The following OLFM4 variants were observed in gnomAD, a reference collection of about 807,000 sequenced individuals.
OLFM4 encodes olfactomedin-4.
OLFM4 carries 22 observed loss-of-function variants against 25.5 expected under a neutral mutation model. The observed-to-expected ratio is 0.86, with a 90% CI of 0.62 to 1.23. OLFM4 has a LOEUF of 1.23. Ranked by LOEUF, OLFM4 falls within the 50% of genes most tolerant of loss-of-function variation. The probability of loss-of-function intolerance (pLI) is 0.00; values close to 1 mark genes in which losing one functional copy is unlikely to be tolerated. For synonymous variants in OLFM4, 255 were observed against 237.7 expected (o/e 1.07, Z -0.67); for missense variants, 594 against 619.4 (o/e 0.96, Z 0.44).
At chr13:53,032,896 T>C (rs1034934652) in intron 1 of OLFM4, among the ~76,000 whole-genome samples, 2 of 152,130 alleles carry the variant, frequency 1.3e-5, no homozygotes, top group African/African-American at 4.8e-5. Context: ...ACAGGACCCA[T>C]TACACCACCT....
At position 53,043,235 on chromosome 13, in the gene OLFM4, C is replaced by A. The variant is rs372524104; in HGVS notation, c.701C>A (p.Thr234Asn). 3 of 1,609,828 alleles carry A rather than the reference C, an allele frequency of 1.9e-6. No homozygotes were observed. Among genetic ancestry groups the A allele is most frequent in the Middle Eastern group, 1.7e-4 (1 of 6,046 alleles). The change falls in exon 4 of 5, where the codon ACC becomes AAC. Residue 234 changes from threonine to asparagine, a missense_variant. Physicochemically the swap from Thr to Asn is moderately conservative, Grantham distance 65 (BLOSUM62 0). Transcript: ENST00000219022. ...TGTGAGGCCTCTAAAGATCAAAACA[C>A]CCCTGTCGTCCACCCTCCTCCCACT... ...KECEASKDQN[T>N]PVVHPPPTPG... is the part of the protein sequence containing the mutation.
intron 1 of OLFM4, among the ~76,000 whole-genome samples, chr13:53,030,861 C>T (rs1339828298): frequency 2.0e-5 from 3 of 152,150 alleles, no homozygotes; most frequent in African/African-American, 7.2e-5. Context: ...CACAAGGATT[C>T]TTTGCAGTCA....
chr13:53,029,719 T>C (rs958214555), intron 1 of OLFM4, among the ~76,000 whole-genome samples: 7 of 152,196 alleles, frequency 4.6e-5, no homozygotes, highest in African/African-American at 1.7e-4. Context: ...ACAGGGAATC[T>C]TCAGGACCAT....
intron 1 of OLFM4, among the ~76,000 whole-genome samples, chr13:53,030,786 A>C (rs888415401): frequency 8.5e-5 from 13 of 152,206 alleles, no homozygotes; most frequent in Non-Finnish European, 4.4e-5. Flanking sequence ...TATATTTCCA[A>C]GGAGTATAGA....
intron 2 of OLFM4, among the ~76,000 whole-genome samples, chr13:53,040,400 T>C (rs1350857104): frequency 1.3e-5 from 2 of 152,324 alleles, no homozygotes; most frequent in East Asian, 3.9e-4. Context: ...ACTCACATAT[T>C]GTGTAGTAGG....
chr13:53,042,209 A>T, intron 3 of OLFM4, 87 bp downstream of exon 3: 1 of 1,105,240 alleles, frequency 9.0e-7, no homozygotes, highest in African/African-American at 1.6e-5. Flanking sequence ...AAGTGAAACT[A>T]TCTCTTCCAA....
chr13:53,050,064 A>T lies in OLFM4; in HGVS notation c.826A>T (p.Arg276Trp). Residue 276 changes from arginine (R) to tryptophan (W), a missense_variant, in exon 5 of 5, where the codon AGG becomes TGG. Transcript: ENST00000219022. The part of the protein sequence containing the change: ...GFSYLYGAWG[R>W]DYSPQHPNKG... ...TTCTTATCTATATGGTGCTTGGGGT[A>T]GGGATTACTCTCCCCAGCATCCAAA... 5 of 1,613,952 alleles carry T rather than the reference A, an allele frequency of 3.1e-6. No individual in the cohort carries two copies. The highest frequency in any genetic ancestry group is 4.2e-6 in the Non-Finnish European group (5 of 1,179,892).
chr13:53,032,079 T>TGG (rs935268408), intron 1 of OLFM4, among the ~76,000 whole-genome samples: 5 of 152,192 alleles, frequency 3.3e-5, no homozygotes, highest in African/African-American at 4.8e-5. Flanking sequence ...GGATGGAAGC[T>TGG]GGGGGAGTCC....
intron 2 of OLFM4, among the ~76,000 whole-genome samples, chr13:53,037,470 A>C (rs997211706): frequency 1.3e-5 from 2 of 152,206 alleles, no homozygotes; most frequent in African/African-American, 2.4e-5. Flanking sequence ...AAATATAATA[A>C]ATTAAAAGGT....
chr13:53,036,861 C>G (rs1156636121), intron 2 of OLFM4, among the ~76,000 whole-genome samples: 3 of 152,190 alleles, frequency 2.0e-5, no homozygotes, highest in African/African-American at 7.2e-5. Flanking sequence ...AGGAGACTTG[C>G]CCAAGGTCAT....
Position 53,050,274 on chromosome 13 carries a change from G to A in OLFM4, c.1036G>A (p.Gly346Arg), listed in dbSNP as rs144343096. Residue 346 changes from glycine to arginine, a missense_variant, in exon 5 of 5, where the codon GGG (glycine) becomes AGG (arginine). Transcript: ENST00000219022. ...CATGTACGTCAACATGTACAACACC[G>A]GGAATATTGCCAGAGTTAACCTGAC... Reference protein sequence around the residue: ...NNMYVNMYNTGNIARVNLTTN... With the variant: ...NNMYVNMYNTRNIARVNLTTN... 24 of 1,613,898 alleles carry A rather than the reference G, an allele frequency of 1.5e-5. No homozygotes were observed. Among genetic ancestry groups the A allele is most frequent in the Non-Finnish European group, 1.4e-5 (17 of 1,179,964 alleles).
chr13:53,029,020 A>G lies in OLFM4; in HGVS notation c.184A>G (p.Ser62Gly). ...CTCCAGCTCCAGCCGCAGCTTAGGC[A>G]GCGGAGGTTCTGTGTCCCAGGTGAG... ...SGSSSSRSLGSGGSVSQLFSN... is the reference protein window; with the variant it reads ...SGSSSSRSLGGGGSVSQLFSN... Residue 62 changes from serine to glycine, a missense_variant, in exon 1 of 5, where the codon AGC becomes GGC. Physicochemically the swap from Ser to Gly is moderately conservative, Grantham distance 56. Transcript: ENST00000219022. 6.2e-7 allele frequency: 1 copy of G among 1,614,148 alleles called. No homozygotes were observed. Among genetic ancestry groups the G allele is most frequent in the Non-Finnish European group, 8.5e-7 (1 of 1,180,026 alleles).
At chr13:53,035,195 A>G (rs535517664) in intron 2 of OLFM4, among the ~76,000 whole-genome samples, 1 of 150,848 alleles carries the variant, frequency 6.6e-6, no homozygotes, top group South Asian at 2.1e-4. Context: ...ATCTTTACAA[A>G]TTGCTCACTT....
chr13:53,029,123 G>T, intron 1 of OLFM4, 83 bp downstream of exon 1: 1 of 1,571,928 alleles, frequency 6.4e-7, no homozygotes, highest in Non-Finnish European at 8.6e-7. Flanking sequence ...TTCATGGATG[G>T]CTAGACCTGG....
chr13:53,040,456 A>G (rs1265631228), intron 2 of OLFM4, among the ~76,000 whole-genome samples: 1 of 152,234 alleles, frequency 6.6e-6, no homozygotes, highest in East Asian at 1.9e-4. Flanking sequence ...GATCAAAACT[A>G]ATTGTATATG....
intron 2 of OLFM4, among the ~76,000 whole-genome samples, chr13:53,035,472 T>G (rs533022758): frequency 1.2e-4 from 18 of 152,332 alleles, no homozygotes; most frequent in African/African-American, 4.3e-4. Context: ...CCAATTAGAC[T>G]CTTTTACTTA....
chr13:53,031,474 G>A (rs1954628368), intron 1 of OLFM4, among the ~76,000 whole-genome samples: 1 of 152,166 alleles, frequency 6.6e-6, no homozygotes, highest in East Asian at 1.9e-4. Flanking sequence ...TCTGCTGTAA[G>A]CACTCAGAGT....
At chr13:53,043,877 G>A (rs924712637) in intron 4 of OLFM4, among the ~76,000 whole-genome samples, 7 of 152,150 alleles carry the variant, frequency 4.6e-5, no homozygotes, top group African/African-American at 1.7e-4. Context: ...TCTTGGAGTA[G>A]GGGTGGCATG....
chr13:53,050,011 C>CTG lies in OLFM4; in HGVS notation c.776_777dup (p.Val260TrpfsTer35), dbSNP rs1327789595. 6.2e-7 allele frequency: 1 copy of CTG among 1,612,492 alleles called. No homozygotes were observed. The highest frequency in any genetic ancestry group is 1.3e-5 in the African/African-American group (1 of 75,000). On this transcript the variant is annotated frameshift_variant, in exon 5 of 5. Transcript: ENST00000219022. LOFTEE classifies it low-confidence loss of function (END_TRUNC). The stretch of plus-strand genomic sequence containing the variant: ...GGTGTGGTGAACATCAGCAAACCGT[C>CTG]TGTGGTTCAGCTCAACTGGAGAGGG...
Sources: allele counts gnomAD v4.1 joint callset (sites outside exome capture counted in the v4.1 genomes callset), GRCh38; gene constraint gnomAD v4.1.1; transcripts MANE v1.5; gene names NCBI Gene and HGNC (gene_info 2026-07-23, HGNC 2026-07-21).